Variants in SLIT2 observed in about 807,000 individuals in gnomAD.
SLIT2 encodes slit guidance ligand 2.
Under a neutral mutation model 185.7 loss-of-function variants are expected in SLIT2, and 41 were observed. The ratio of observed to expected loss-of-function variants is 0.22; its 90% CI spans 0.17 to 0.29. The LOEUF (loss-of-function observed/expected upper bound fraction) is 0.29, where lower values mean the gene tolerates loss of function less well. Among genes scored for constraint, SLIT2 ranks in the 10% least tolerant of loss-of-function variants. SLIT2 has a pLI of 1.00. For synonymous variants in SLIT2, 693 were observed against 680.2 expected (o/e 1.02, Z -0.29); for missense variants, 1,571 against 1,909.0 (o/e 0.82, Z 3.30).
At chr4:20,543,441 T>C (rs1333283626) in intron 21 of SLIT2, among the ~76,000 whole-genome samples, 1 of 152,194 alleles carries the variant, frequency 6.6e-6, no homozygotes, top group African/African-American at 2.4e-5. Context: ...TAAACTGTCA[T>C]ATTCTGGATA....
intron 4 of SLIT2, among the ~76,000 whole-genome samples, chr4:20,298,335 TG>T (rs2109099467): frequency 6.6e-6 from 1 of 152,244 alleles, no homozygotes; most frequent in South Asian, 2.1e-4. Context: ...GTGATCTGCC[TG>T]CCTTGGCCTC....
intron 4 of SLIT2, among the ~76,000 whole-genome samples, chr4:20,419,905 C>T (rs1428115759): frequency 1.3e-5 from 2 of 151,990 alleles, no homozygotes; most frequent in African/African-American, 2.4e-5. Flanking sequence ...CTATGTCTAC[C>T]CTTTCTTTTG....
At chr4:20,327,679 A>C (rs976671400) in intron 4 of SLIT2, among the ~76,000 whole-genome samples, 6 of 151,962 alleles carry the variant, frequency 3.9e-5, no homozygotes, top group African/African-American at 1.4e-4. Flanking sequence ...AATGTTTTAA[A>C]CTTTTATAAC....
At chr4:20,510,211 A>G (rs989697270) in intron 9 of SLIT2, among the ~76,000 whole-genome samples, 1 of 152,130 alleles carries the variant, frequency 6.6e-6, no homozygotes, top group Non-Finnish European at 1.5e-5. Flanking sequence ...TAGTTTCTTA[A>G]AGGTATTATT....
chr4:20,341,113 C>T (rs1231878544), intron 4 of SLIT2, among the ~76,000 whole-genome samples: 1 of 152,154 alleles, frequency 6.6e-6, no homozygotes, highest in African/African-American at 2.4e-5. Flanking sequence ...CAAGTTGCCA[C>T]TAGTACCCCA....
intron 4 of SLIT2, among the ~76,000 whole-genome samples, chr4:20,328,667 T>A (rs1719801481): frequency 6.6e-6 from 1 of 152,080 alleles, no homozygotes; most frequent in Non-Finnish European, 1.5e-5. Context: ...CGTTATTAGA[T>A]TTTACTTATG....
At chr4:20,436,501 T>C (rs1729352032) in intron 4 of SLIT2, among the ~76,000 whole-genome samples, 4 of 152,220 alleles carry the variant, frequency 2.6e-5, no homozygotes, top group African/African-American at 7.2e-5. Context: ...TCAAAACTTA[T>C]TACCCAGAGT....
intron 4 of SLIT2, among the ~76,000 whole-genome samples, chr4:20,449,293 G>C (rs1428615320): frequency 6.6e-6 from 1 of 152,094 alleles, no homozygotes; most frequent in Non-Finnish European, 1.5e-5. Context: ...CTTTGCCCAT[G>C]GGAAATTATT....
intron 4 of SLIT2, among the ~76,000 whole-genome samples, chr4:20,457,715 A>C (rs1467298511): frequency 1.3e-5 from 2 of 152,164 alleles, no homozygotes; most frequent in Non-Finnish European, 2.9e-5. Context: ...TCTTGAGAGC[A>C]GAGACTATGC....
intron 11 of SLIT2, 119 bp downstream of exon 11, chr4:20,511,256 T>C: frequency 1.7e-6 from 1 of 582,556 alleles, no homozygotes. Flanking sequence ...GAATTATTAA[T>C]AATGTTAATT....
intron 18 of SLIT2, among the ~76,000 whole-genome samples, chr4:20,537,683 A>G (rs1722419680): frequency 6.6e-6 from 1 of 152,112 alleles, no homozygotes; most frequent in African/African-American, 2.4e-5. Context: ...AGCGTCATAG[A>G]GCATTTTAGA....
intron 4 of SLIT2, among the ~76,000 whole-genome samples, chr4:20,286,757 G>A (rs936057274): frequency 1.3e-5 from 2 of 152,146 alleles, no homozygotes; most frequent in African/African-American, 2.4e-5. Context: ...AGCTGAGATC[G>A]TGCCATTGCA....
At chr4:20,287,710 G>A (rs1394423934) in intron 4 of SLIT2, among the ~76,000 whole-genome samples, 3 of 152,100 alleles carry the variant, frequency 2.0e-5, no homozygotes, top group Admixed American at 6.5e-5. Context: ...TGATCATATA[G>A]TGAGTATATC....
chr4:20,615,120 A>C (rs908956466), intron 34 of SLIT2: 3 of 152,184 alleles, frequency 2.0e-5, no homozygotes, highest in African/African-American at 7.2e-5. Flanking sequence ...ATTTTTAACC[A>C]CTGAAAAAAG....
intron 4 of SLIT2, among the ~76,000 whole-genome samples, chr4:20,313,486 C>A (rs1003073558): frequency 6.6e-6 from 1 of 152,172 alleles, no homozygotes; most frequent in African/African-American, 2.4e-5. Flanking sequence ...ACCTCCCACA[C>A]TGGAGGTCAC....
chr4:20,486,591 C>T (rs1717265923), intron 7 of SLIT2, among the ~76,000 whole-genome samples: 1 of 152,138 alleles, frequency 6.6e-6, no homozygotes, highest in South Asian at 2.1e-4. Flanking sequence ...AATGGGAAAT[C>T]TTTATGATTT....
intron 4 of SLIT2, among the ~76,000 whole-genome samples, chr4:20,381,268 C>T (rs1724487472): frequency 6.6e-6 from 1 of 150,568 alleles, no homozygotes; most frequent in African/African-American, 2.4e-5. Context: ...TAAAAAAAAA[C>T]AAATAAAATT....
chr4:20,502,613 T>C (rs1718843559), intron 9 of SLIT2, among the ~76,000 whole-genome samples: 1 of 152,152 alleles, frequency 6.6e-6, no homozygotes, highest in Non-Finnish European at 1.5e-5. Context: ...GTTTTGCAGG[T>C]AGAGAACTTG....
intron 30 of SLIT2, among the ~76,000 whole-genome samples, chr4:20,594,211 GTA>G (rs1727772794): frequency 6.7e-6 from 1 of 148,898 alleles, no homozygotes; most frequent in African/African-American, 2.5e-5. Context: ...ATGTATGTGT[GTA>G]TATATGTATA....
Sources: gnomAD v4.1 joint callset for allele counts (sites outside exome capture counted in the v4.1 genomes callset) on GRCh38, gnomAD v4.1.1 for gene constraint, MANE v1.5 for transcripts, NCBI Gene and HGNC (gene_info 2026-07-23, HGNC 2026-07-21) for gene names.